RESF1: variants seen among roughly 807,000 people sequenced by gnomAD.
RESF1 encodes retroelement silencing factor 1, also known as gonad expressed transcript.
Under a neutral mutation model 134.7 loss-of-function variants are expected in RESF1, and 65 were observed. The observed-to-expected ratio is 0.48, with a 90% confidence interval of 0.40 to 0.59. RESF1 has a LOEUF of 0.59. RESF1 is among the 20% of genes least tolerant of loss of function. RESF1 has a pLI of 0.00. For synonymous variants in RESF1, 762 were observed against 702.2 expected (o/e 1.09, Z -1.35); for missense variants, 2,274 against 2,002.7 (o/e 1.14, Z -2.59).
At chr12:31,969,938 G>C (rs1452272481) in intron 2 of RESF1, among the ~76,000 whole-genome samples, 3 of 152,158 alleles carry the variant, frequency 2.0e-5, no homozygotes, top group Non-Finnish European at 1.5e-5. Context: ...ATGTGTGCTT[G>C]TGCATGTGTG....
intron 3 of RESF1, among the ~76,000 whole-genome samples, chr12:31,979,046 G>A (rs1361365284): frequency 1.3e-5 from 2 of 150,568 alleles, no homozygotes; most frequent in African/African-American, 4.9e-5. Context: ...TCAGCCTTCT[G>A]AGTAGCTGGG....
At position 31,959,436 on chromosome 12, in the gene RESF1, C is replaced by G. The variant is rs888710261; in HGVS notation, c.-397C>G. 6.6e-6 allele frequency: 1 copy of G among 152,462 alleles called. No individual in the cohort carries two copies. The highest frequency in any genetic ancestry group is 1.5e-5 in the Non-Finnish European group (1 of 68,254). The allele number at this position is 152,462 out of a possible 1,614,324, so 9.4% of individuals were successfully genotyped here. Reference sequence around the variant, plus strand: ...CCCCACTTGACTTAAACTCTGGGGCCCGGGAGGCCGCCGGTTTTCTCCCCG... The same window carrying G: ...CCCCACTTGACTTAAACTCTGGGGCGCGGGAGGCCGCCGGTTTTCTCCCCG... On this transcript the variant is annotated 5_prime_UTR_variant, in exon 1 of 6. Transcript: ENST00000312561.
At chr12:31,976,946 G>A (rs902328786) in intron 3 of RESF1, among the ~76,000 whole-genome samples, 1 of 152,052 alleles carries the variant, frequency 6.6e-6, no homozygotes, top group African/African-American at 2.4e-5. Flanking sequence ...ATTTTTTATT[G>A]AGTTGTCTAC....
chr12:31,981,449 A>G lies in RESF1; in HGVS notation c.494A>G (p.Gln165Arg). 1 of 1,614,104 alleles carries G rather than the reference A, an allele frequency of 6.2e-7. No individual in the cohort carries two copies. Among genetic ancestry groups the G allele is most frequent in the Non-Finnish European group, 8.5e-7 (1 of 1,180,000 alleles). The change falls in exon 4 of 6, where the codon CAA (glutamine) becomes CGA (arginine). Residue 165 changes from glutamine (Q) to arginine (R), a missense_variant. By Grantham distance (43) the Gln-to-Arg change is conservative (BLOSUM62 1). Transcript: ENST00000312561. ...QLITSDTYSM[Q>R]MQMIPSNSTR... is the part of the protein sequence containing the mutation. ...ATAACATCAGATACCTATTCTATGC[A>G]AATGCAGATGATCCCTTCTAATTCT... is the stretch of plus-strand genomic sequence containing the variant.
At position 31,983,874 on chromosome 12, in the gene RESF1, A is replaced by G. The variant is rs1389990142; in HGVS notation, c.2919A>G (p.Ser973=). 2.5e-6 allele frequency: 4 copies of G among 1,613,720 alleles called. No homozygotes were observed. The highest frequency in any genetic ancestry group is 3.4e-6 in the Non-Finnish European group (4 of 1,180,016). Residue 973 remains serine (S), a synonymous_variant, in exon 4 of 6, where the codon TCA becomes TCG. Coordinates refer to ENST00000312561, the MANE Select transcript of RESF1 (RefSeq NM_018169.4). Reference sequence around the variant, plus strand: ...TTTCACATAAAATATGTGATCAGTCAAAGTCAGAGCCACCCTTAGAGTCAT... The same window carrying G: ...TTTCACATAAAATATGTGATCAGTCGAAGTCAGAGCCACCCTTAGAGTCAT... ...TDVSHKICDQ[S]KSEPPLESSF...
intron 2 of RESF1, among the ~76,000 whole-genome samples, chr12:31,967,793 G>A (rs553828760): frequency 5.3e-5 from 8 of 152,172 alleles, no homozygotes; most frequent in South Asian, 4.1e-4. Context: ...TCACAGGCCC[G>A]GGAAAAGATC....
Position 31,982,756 on chromosome 12 carries a change from G to A in RESF1, c.1801G>A (p.Asp601Asn). Residue 601 changes from aspartate to asparagine, a missense_variant, in exon 4 of 6, where the codon GAT becomes AAT. Asp to Asn is a conservative substitution (Grantham distance 23). Transcript: ENST00000312561. ...TAAGACTCAGAAGACAGTATTAAAAGATGCTAATCAAACTATTCAGGATTC... is the reference window on the plus strand; with the variant it reads ...TAAGACTCAGAAGACAGTATTAAAAAATGCTAATCAAACTATTCAGGATTC... ...ARKTQKTVLK[D>N]ANQTIQDSKP... 1 of 1,614,052 alleles carries A rather than the reference G, an allele frequency of 6.2e-7. No individual in the cohort carries two copies. Among genetic ancestry groups the A allele is most frequent in the Non-Finnish European group, 8.5e-7 (1 of 1,179,972 alleles).
In RESF1 at chr12:31,983,417, C is replaced by T. The variant is rs770031561; in HGVS notation, c.2462C>T (p.Pro821Leu). 6 of 1,613,964 alleles carry T rather than the reference C, an allele frequency of 3.7e-6. No individual in the cohort carries two copies. The highest frequency in any genetic ancestry group is 5.1e-6 in the Non-Finnish European group (6 of 1,179,986). ...TAALKVDVSG[P>L]VASTATSTKI... ...GCTTTGAAAGTTGATGTTAGTGGAC[C>T]AGTAGCAAGTACAGCAACATCAACC... The change falls in exon 4 of 6, where the codon CCA becomes CTA. Residue 821 changes from proline (P) to leucine (L), a missense_variant. By Grantham distance (98) the Pro-to-Leu change is moderately conservative (BLOSUM62 -3). Coordinates refer to ENST00000312561, the MANE Select transcript of RESF1 (RefSeq NM_018169.4).
At chr12:31,978,692 C>T (rs964340150) in intron 3 of RESF1, among the ~76,000 whole-genome samples, 13 of 149,422 alleles carry the variant, frequency 8.7e-5, no homozygotes, top group Admixed American at 1.3e-4. Flanking sequence ...ACTACAGGTG[C>T]CCGCCACCAC....
chr12:31,991,026 C>T (rs186131634), intron 5 of RESF1, among the ~76,000 whole-genome samples: 6 of 152,214 alleles, frequency 3.9e-5, no homozygotes, highest in Admixed American at 3.3e-4. Context: ...GAGATCCCAT[C>T]TCTACAAATA....
Position 31,980,944 on chromosome 12 carries a change from A to T in RESF1, c.-12A>T. ...CTGACTTGTAATACACTGCTACTATATCAAACCGACAATGAATTGGAATGA... is the reference window on the plus strand; with the variant it reads ...CTGACTTGTAATACACTGCTACTATTTCAAACCGACAATGAATTGGAATGA... On this transcript the variant is annotated 5_prime_UTR_variant, in exon 4 of 6. Transcript: ENST00000312561. 1 of 1,584,646 alleles carries T rather than the reference A, an allele frequency of 6.3e-7. No homozygotes were observed. The highest frequency in any genetic ancestry group is 8.6e-7 in the Non-Finnish European group (1 of 1,165,568).
chr12:31,979,808 C>A (rs1184965644), intron 3 of RESF1, among the ~76,000 whole-genome samples: 3 of 151,920 alleles, frequency 2.0e-5, no homozygotes, highest in East Asian at 3.9e-4. Context: ...CTTCCTGCCT[C>A]AGCCTCACAG....
Position 31,981,155 on chromosome 12 carries a change from A to G in RESF1, c.200A>G (p.Gln67Arg). ...ATTTCACAGCCACTGCTGAATATCC[A>G]AAATTATCCTCAACAAATTTCTGTT... ...NPISQPLLNIQNYPQQISVSD... is the reference protein window; with the variant it reads ...NPISQPLLNIRNYPQQISVSD... Residue 67 changes from glutamine (Q) to arginine (R), a missense_variant, in exon 4 of 6, where the codon CAA becomes CGA. By Grantham distance (43) the Gln-to-Arg change is conservative. Coordinates refer to ENST00000312561, the MANE Select transcript of RESF1 (RefSeq NM_018169.4). The G allele has an allele frequency of 1.2e-6, 2 of 1,614,120 alleles. No homozygotes were observed. The highest frequency in any genetic ancestry group is 1.7e-6 in the Non-Finnish European group (2 of 1,179,974).
intron 5 of RESF1, 137 bp from the exon 6 acceptor site, chr12:31,992,241 T>C: frequency 2.8e-6 from 2 of 723,808 alleles, no homozygotes; most frequent in Non-Finnish European, 4.8e-6. Context: ...TGAAGAGCTA[T>C]GGTTCTGAAA....
intron 3 of RESF1, among the ~76,000 whole-genome samples, chr12:31,972,546 C>T (rs1939533186): frequency 7.0e-6 from 1 of 143,850 alleles, no homozygotes; most frequent in South Asian, 2.2e-4. Flanking sequence ...GCGGAGCTCG[C>T]AGTGAGCCAA....
At chr12:31,980,557 C>G (rs1939758250) in intron 3 of RESF1, among the ~76,000 whole-genome samples, 1 of 151,974 alleles carries the variant, frequency 6.6e-6, no homozygotes, top group South Asian at 2.1e-4. Flanking sequence ...GTCATGTTAG[C>G]TTTTTTAAAA....
intron 4 of RESF1, among the ~76,000 whole-genome samples, chr12:31,986,434 G>A (rs993527632): frequency 1.8e-4 from 27 of 152,182 alleles, no homozygotes; most frequent in African/African-American, 2.7e-4. Flanking sequence ...ATGGAAATGG[G>A]TCAACTAATT....
rs1485546118 is a variant in RESF1, at chr12:31,983,031, G to A, written c.2076G>A (p.Glu692=). The A allele has an allele frequency of 1.2e-6, 2 of 1,613,962 alleles. No homozygotes were observed. The highest frequency in any genetic ancestry group is 1.7e-5 in the Admixed American group (1 of 60,006). ...KQPSDTAKEK[E]CDKLRTNTTA... is the part of the protein sequence containing the mutation. ...CTTCAGATACTGCAAAAGAAAAGGA[G>A]TGTGATAAACTCAGAACAAACACAA... Residue 692 remains glutamate (E), a synonymous_variant, in exon 4 of 6, where the codon GAG becomes GAA. Coordinates refer to ENST00000312561, the MANE Select transcript of RESF1 (RefSeq NM_018169.4).
At chr12:31,986,367 T>C (rs1306202926) in intron 4 of RESF1, among the ~76,000 whole-genome samples, 1 of 152,188 alleles carries the variant, frequency 6.6e-6, no homozygotes, top group Non-Finnish European at 1.5e-5. Flanking sequence ...GAACTTGAAA[T>C]TTTGTTCTGA....
Sources: allele counts gnomAD v4.1 joint callset (sites outside exome capture counted in the v4.1 genomes callset), GRCh38; gene constraint gnomAD v4.1.1; transcripts MANE v1.5; gene names NCBI Gene and HGNC (gene_info 2026-07-23, HGNC 2026-07-21).